MTHFD2L: variants seen among roughly 807,000 people sequenced by gnomAD.
MTHFD2L encodes the protein methylenetetrahydrofolate dehydrogenase (NADP+ dependent) 2 like, also known as bifunctional methylenetetrahydrofolate dehydrogenase/cyclohydrolase 2, mitochondrial.
Under a neutral mutation model 34.9 loss-of-function variants are expected in MTHFD2L, and 29 were observed. That is an observed-to-expected ratio of 0.83 (90% CI 0.62 to 1.13). The LOEUF is 1.13. Among genes scored for constraint, MTHFD2L ranks in the 50% most tolerant of loss-of-function variants. The pLI is 0.00. For synonymous variants in MTHFD2L, 167 were observed against 155.7 expected, an observed-to-expected ratio of 1.07 and a Z score of -0.54; for missense variants, 481 against 446.5, an observed-to-expected ratio of 1.08 and a Z score of -0.70.
intron 1 of MTHFD2L, among the ~76,000 whole-genome samples, chr4:74,142,485 C>T (rs1396907090): frequency 1.3e-5 from 2 of 152,196 alleles, no homozygotes; most frequent in African/African-American, 2.4e-5. Flanking sequence ...AGGACTCTCA[C>T]CAAAGCCTAA....
At chr4:74,297,188 C>A (rs1749734770) in intron 7 of MTHFD2L, among the ~76,000 whole-genome samples, 1 of 152,056 alleles carries the variant, frequency 6.6e-6, no homozygotes, top group Non-Finnish European at 1.5e-5. Flanking sequence ...TTCCTCAAAA[C>A]ATTCTTATTT....
upstream of MTHFD2L, among the ~76,000 whole-genome samples, chr4:74,155,226 A>G (rs952135606): frequency 2.6e-5 from 4 of 152,174 alleles, no homozygotes; most frequent in Non-Finnish European, 1.5e-5. Context: ...ATTGTTTCAT[A>G]TAAGTGTAAT....
intron 7 of MTHFD2L, among the ~76,000 whole-genome samples, chr4:74,292,449 C>T (rs766028690): frequency 2.0e-5 from 3 of 152,064 alleles, no homozygotes; most frequent in Non-Finnish European, 4.4e-5. Context: ...ATTTTATCTG[C>T]TCCTATCTCA....
At chr4:74,273,663 T>C (rs528870305) in intron 6 of MTHFD2L, among the ~76,000 whole-genome samples, 2 of 152,280 alleles carry the variant, frequency 1.3e-5, no homozygotes, top group South Asian at 2.1e-4. Flanking sequence ...ATAATAAATA[T>C]AAGAATTTGT....
At chr4:74,299,499 G>A (rs188963531) in intron 7 of MTHFD2L, among the ~76,000 whole-genome samples, 12 of 151,930 alleles carry the variant, frequency 7.9e-5, no homozygotes, top group African/African-American at 2.9e-4. Flanking sequence ...CTTGAGAAAA[G>A]GTCCTGGAAG....
chr4:74,272,749 T>C (rs1425951511), intron 6 of MTHFD2L, among the ~76,000 whole-genome samples: 1 of 152,206 alleles, frequency 6.6e-6, no homozygotes, highest in African/African-American at 2.4e-5. Context: ...GTTTCTGCTT[T>C]TTCTTGTGTT....
intron 3 of MTHFD2L, among the ~76,000 whole-genome samples, chr4:74,187,491 T>G (rs1578398016): frequency 6.6e-6 from 1 of 152,040 alleles, no homozygotes; most frequent in Non-Finnish European, 1.5e-5. Context: ...ATACAAATGG[T>G]AAATAAGCAT....
chr4:74,216,388 G>A (rs1187651144), intron 5 of MTHFD2L, among the ~76,000 whole-genome samples: 1 of 151,756 alleles, frequency 6.6e-6, no homozygotes, highest in Non-Finnish European at 1.5e-5. Context: ...ATCATTAGAA[G>A]TAGAACTTGA....
intron 1 of MTHFD2L, among the ~76,000 whole-genome samples, chr4:74,127,724 C>A (rs1042528040): frequency 2.0e-5 from 3 of 152,022 alleles, no homozygotes; most frequent in African/African-American, 7.3e-5. Flanking sequence ...ATTGCAGATA[C>A]CTCTTTGATA....
intron 1 of MTHFD2L, among the ~76,000 whole-genome samples, chr4:74,143,890 G>T (rs1418129130): frequency 1.3e-5 from 2 of 152,174 alleles, no homozygotes; most frequent in Non-Finnish European, 2.9e-5. Flanking sequence ...TAAACTTCTA[G>T]TATGTAATTT....
At position 74,285,179 on chromosome 4, in the gene MTHFD2L, G is replaced by A. The variant is rs532107943; in HGVS notation, c.931+3629G>A. Among the ~76,000 whole-genome samples, 10 of 151,866 alleles carry A rather than the reference G, an allele frequency of 6.6e-5. No individual in the cohort carries two copies. In the South Asian group the frequency reaches 1.0e-3, roughly 16 times the overall value. ...CACAGGAAGGGAAACATCACACACCGGGGCCTGTTGTGGGGTGAGGGGGAT... is the reference window on the plus strand; with the variant it reads ...CACAGGAAGGGAAACATCACACACCAGGGCCTGTTGTGGGGTGAGGGGGAT... On this transcript the variant is annotated intron_variant, in intron 7 of 7. Coordinates refer to ENST00000325278, the MANE Select transcript of MTHFD2L (RefSeq NM_001144978.3).
At chr4:74,287,613 G>T (rs1473168377) in intron 7 of MTHFD2L, among the ~76,000 whole-genome samples, 1 of 152,132 alleles carries the variant, frequency 6.6e-6, no homozygotes, top group Non-Finnish European at 1.5e-5. Flanking sequence ...TAGGTGTGGT[G>T]GTGCACTCCT....
At position 74,175,294 on chromosome 4, in the gene MTHFD2L, G is replaced by A. The variant is rs754027523; in HGVS notation, c.342G>A (p.Glu114=). 2.5e-6 allele frequency: 4 copies of A among 1,612,606 alleles called. No individual in the cohort carries two copies. In the South Asian group the frequency reaches 4.4e-5, roughly 18 times the overall value. The part of the protein sequence containing the change: ...RAASAVGICS[E]LILKPKDVSQ... ...TTTTTCTTCTAGGTATTTGTAGTGA[G>A]CTCATTCTAAAACCTAAGGATGTTT... The change falls in exon 3 of 8, where the codon GAG becomes GAA. Residue 114 remains glutamate, a synonymous_variant. Transcript: ENST00000325278.
At chr4:74,149,499 C>G (rs1307033231) in intron 1 of MTHFD2L, among the ~76,000 whole-genome samples, 2 of 152,120 alleles carry the variant, frequency 1.3e-5, no homozygotes, top group African/African-American at 4.8e-5. Context: ...AAGACTGCAT[C>G]CAGCTCAATA....
At chr4:74,239,333 C>T (rs901039950) in intron 6 of MTHFD2L, among the ~76,000 whole-genome samples, 1 of 151,960 alleles carries the variant, frequency 6.6e-6, no homozygotes, top group African/African-American at 2.4e-5. Flanking sequence ...CCAGGCCTGT[C>T]GTAGTTTGGG....
At position 74,281,453 on chromosome 4, in the gene MTHFD2L, G is replaced by A. The variant is rs745313230; in HGVS notation, c.834G>A (p.Met278Ile). ...AGIPKLITSD[M>I]VKEGAAVIDV... ...TTCCAAAGTTGATTACGTCTGATAT[G>A]GTTAAAGAAGGTGCTGCTGTAATTG... Residue 278 changes from methionine (M) to isoleucine (I), a missense_variant, in exon 7 of 8, where the codon ATG (methionine) becomes ATA (isoleucine). Transcript: ENST00000325278. 6 of 1,612,266 alleles carry A rather than the reference G, an allele frequency of 3.7e-6. No homozygotes were observed. Among genetic ancestry groups the A allele is most frequent in the Non-Finnish European group, 5.1e-6 (6 of 1,178,978 alleles).
intron 1 of MTHFD2L, among the ~76,000 whole-genome samples, chr4:74,152,220 G>C (rs58250046): frequency 0.023 from 3,415 of 151,608 alleles, 117 homozygotes; most frequent in African/African-American, 0.077. Context: ...AAAATACCTG[G>C]GAAATTCCTT....
chr4:74,270,574 T>G (rs1298098615), intron 6 of MTHFD2L, among the ~76,000 whole-genome samples: 1 of 152,236 alleles, frequency 6.6e-6, no homozygotes, highest in Non-Finnish European at 1.5e-5. Flanking sequence ...CTATCATTAA[T>G]GGACATTTGG....
At chr4:74,293,222 G>A (rs1477494099) in intron 7 of MTHFD2L, among the ~76,000 whole-genome samples, 2 of 151,928 alleles carry the variant, frequency 1.3e-5, no homozygotes, top group African/African-American at 2.4e-5. Context: ...AGGCCCCAGT[G>A]TGTGATGTTC....
Sources: gnomAD v4.1 joint callset for allele counts (sites outside exome capture counted in the v4.1 genomes callset) on GRCh38, gnomAD v4.1.1 for gene constraint, MANE v1.5 for transcripts, NCBI Gene and HGNC (gene_info 2026-07-23, HGNC 2026-07-21) for gene names.